Variants in AGBL1 observed in about 807,000 individuals in gnomAD.
AGBL1 encodes AGBL carboxypeptidase 1.
Under a neutral mutation model 118.9 loss-of-function variants are expected in AGBL1, and 130 were observed. The observed-to-expected ratio is 1.09, with a 90% CI of 0.95 to 1.26. The LOEUF (loss-of-function observed/expected upper bound fraction) is 1.26. Ranked by LOEUF, AGBL1 falls within the 50% of genes most tolerant of loss-of-function variation. The probability of loss-of-function intolerance (pLI) is 0.00; values close to 1 mark genes in which losing one functional copy is unlikely to be tolerated. For missense variants in AGBL1, 1,584 were observed against 1,298.1 expected, an observed-to-expected ratio of 1.22 and a Z score of -3.38; for synonymous variants, 555 against 478.9, an observed-to-expected ratio of 1.16 and a Z score of -2.08.
chr15:86,635,534 A>G (rs750776650), intron 21 of AGBL1, among the ~76,000 whole-genome samples: 46 of 151,694 alleles, frequency 3.0e-4, no homozygotes, highest in Non-Finnish European at 5.9e-4. Context: ...CAGCTCAACA[A>G]GTGATATTCC....
chr15:86,688,011 G>A (rs996526308), intron 22 of AGBL1, among the ~76,000 whole-genome samples: 2 of 152,084 alleles, frequency 1.3e-5, no homozygotes, highest in African/African-American at 4.8e-5. Context: ...CCTAACTTTT[G>A]TTAGCAGCAG....
At chr15:86,731,004 T>C (rs547394398) in intron 22 of AGBL1, among the ~76,000 whole-genome samples, 2 of 152,028 alleles carry the variant, frequency 1.3e-5, no homozygotes, top group Non-Finnish European at 2.9e-5. Context: ...ATTTTTTTTA[T>C]ATTTTTAATA....
At chr15:86,275,069 CT>C (rs1388402370) in intron 15 of AGBL1, among the ~76,000 whole-genome samples, 1 of 152,076 alleles carries the variant, frequency 6.6e-6, no homozygotes. Flanking sequence ...CTTTTAGTTT[CT>C]TTTTTTATTT....
At chr15:86,191,235 C>T (rs1297212055) in intron 5 of AGBL1, among the ~76,000 whole-genome samples, 1 of 150,014 alleles carries the variant, frequency 6.7e-6, no homozygotes, top group Non-Finnish European at 1.5e-5. Flanking sequence ...GTAATCCCAG[C>T]TACTTGGGAG....
intron 21 of AGBL1, among the ~76,000 whole-genome samples, chr15:86,608,761 A>G (rs904406436): frequency 6.6e-6 from 1 of 152,186 alleles, no homozygotes; most frequent in African/African-American, 2.4e-5. Context: ...CTCAAGTCAG[A>G]TCTTCTGATT....
intron 21 of AGBL1, among the ~76,000 whole-genome samples, chr15:86,617,462 A>T (rs2084745803): frequency 6.6e-6 from 1 of 152,182 alleles, no homozygotes; most frequent in African/African-American, 2.4e-5. Flanking sequence ...TACAGAATTG[A>T]GCATGAAATT....
At chr15:86,663,928 T>C (rs932088802) in intron 21 of AGBL1, among the ~76,000 whole-genome samples, 2 of 152,178 alleles carry the variant, frequency 1.3e-5, no homozygotes, top group Admixed American at 1.3e-4. Context: ...TTACCCTCTG[T>C]ATGCATCCTC....
intron 22 of AGBL1, among the ~76,000 whole-genome samples, chr15:86,905,865 A>G (rs941010696): frequency 1.3e-5 from 2 of 152,184 alleles, no homozygotes; most frequent in Non-Finnish European, 2.9e-5. Context: ...CCCACAAGTC[A>G]GCCTGTAAAA....
At chr15:86,220,121 T>C (rs1263609585) in intron 5 of AGBL1, among the ~76,000 whole-genome samples, 5 of 151,968 alleles carry the variant, frequency 3.3e-5, no homozygotes, top group African/African-American at 7.2e-5. Context: ...CCAGCTAATT[T>C]TTTGTAGTTT....
At position 86,397,363 on chromosome 15, in the gene AGBL1, C is replaced by A. The variant is rs753429386; in HGVS notation, c.2375-3C>A. 2.0e-6 allele frequency: 3 copies of A among 1,500,834 alleles called. No homozygotes were observed. The highest frequency in any genetic ancestry group is 1.4e-5 in the South Asian group (1 of 71,216). 93.0% of individuals were successfully genotyped at this position (1,500,834 alleles called of 1,614,324 possible). A position where few individuals can be genotyped will look rare whatever the true frequency, so the allele number is the denominator to read the frequency against. ...TAATTTTCTTATGTCCCTTTTTCTG[C>A]AGGACATCGTCCATATCAGGTGATC... On this transcript the variant is annotated splice_polypyrimidine_tract_variant and splice_region_variant and intron_variant, in intron 17 of 22. Coordinates refer to ENST00000614907, the MANE Select transcript of AGBL1 (RefSeq NM_001386094.1).
chr15:86,375,474 T>G (rs1161708151), intron 17 of AGBL1, among the ~76,000 whole-genome samples: 1 of 152,056 alleles, frequency 6.6e-6, no homozygotes, highest in East Asian at 1.9e-4. Flanking sequence ...ATCATGGGGA[T>G]TACAGTTCAA....
chr15:86,159,687 T>G (rs116864563), intron 5 of AGBL1, among the ~76,000 whole-genome samples: 1 of 152,060 alleles, frequency 6.6e-6, no homozygotes, highest in East Asian at 1.9e-4. Context: ...CTATCATTTA[T>G]GGGAGTGACT....
At chr15:86,298,604 C>T (rs908940090) in intron 17 of AGBL1, among the ~76,000 whole-genome samples, 1 of 151,956 alleles carries the variant, frequency 6.6e-6, no homozygotes, top group Non-Finnish European at 1.5e-5. Context: ...GCCTCCAGGC[C>T]TCCCTTCAGG....
intron 21 of AGBL1, among the ~76,000 whole-genome samples, chr15:86,632,434 ACT>A (rs2084989612): frequency 6.6e-6 from 1 of 151,948 alleles, no homozygotes; most frequent in African/African-American, 2.4e-5. Context: ...CAAGAGCGAA[ACT>A]CTGTCTCAAC....
chr15:86,761,997 A>C (rs2078031084), intron 22 of AGBL1, among the ~76,000 whole-genome samples: 2 of 152,102 alleles, frequency 1.3e-5, no homozygotes, highest in African/African-American at 4.8e-5. Context: ...ATCCATCTTG[A>C]GTTAATGTGG....
intron 22 of AGBL1, among the ~76,000 whole-genome samples, chr15:86,683,527 G>A (rs892801460): frequency 2.1e-4 from 32 of 152,146 alleles, no homozygotes; most frequent in African/African-American, 7.5e-4. Flanking sequence ...GGAGTCCAGG[G>A]AATCTAAGTG....
intron 18 of AGBL1, among the ~76,000 whole-genome samples, chr15:86,517,380 A>G (rs902883618): frequency 6.6e-6 from 1 of 152,210 alleles, no homozygotes; most frequent in Non-Finnish European, 1.5e-5. Context: ...CTCACAGGCT[A>G]CCAGGTAATG....
chr15:86,454,032 C>T (rs2082230720), intron 18 of AGBL1, among the ~76,000 whole-genome samples: 1 of 152,156 alleles, frequency 6.6e-6, no homozygotes, highest in Admixed American at 6.5e-5. Context: ...ATTGCCCTCA[C>T]CCATCTGTGT....
chr15:86,914,444 T>C lies in AGBL1; in HGVS notation c.*7150T>C, dbSNP rs897533438. On this transcript the variant is annotated 3_prime_UTR_variant, in exon 23 of 23. Transcript: ENST00000614907. ...TTAAAGAGACACGTTTAGTAAATGA[T>C]AGAGCTGGAATCTGTTCCCGGGGAA... is the stretch of plus-strand genomic sequence containing the variant. 5.9e-5 allele frequency: 9 copies of C among 152,204 alleles called. No individual in the cohort carries two copies. The highest frequency in any genetic ancestry group is 1.2e-4 in the African/African-American group (5 of 41,444). The allele number at this position is 152,204 out of a possible 1,614,324, so 9.4% of individuals were successfully genotyped here. A position where few individuals can be genotyped will look rare whatever the true frequency, so the allele number is the denominator to read the frequency against.
Sources: allele counts gnomAD v4.1 joint callset (sites outside exome capture counted in the v4.1 genomes callset), GRCh38; gene constraint gnomAD v4.1.1; transcripts MANE v1.5; gene names NCBI Gene and HGNC (gene_info 2026-07-23, HGNC 2026-07-21).